Variants in OR7E24 observed in about 807,000 individuals in gnomAD.
OR7E24 encodes the protein olfactory receptor family 7 subfamily E member 24, also known as olfactory receptor 7E24.
For missense variants in OR7E24, 385 were observed against 410.3 expected (o/e 0.94, Z 0.53); for synonymous variants, 130 against 157.5 (o/e 0.83, Z 1.31).
chr19:9,222,407 T>C, the OR7E24 span, among the ~76,000 whole-genome samples: 1 of 152,214 alleles, frequency 6.6e-6, no homozygotes, highest in Non-Finnish European at 1.5e-5. Context: ...GACATTTTAA[T>C]ATAGCAATTC....
At chr19:9,227,514 C>A in the OR7E24 span, among the ~76,000 whole-genome samples, 1 of 152,104 alleles carries the variant, frequency 6.6e-6, no homozygotes, top group Non-Finnish European at 1.5e-5. Flanking sequence ...AGACTTGAGC[C>A]GCCATGCCTG....
the OR7E24 span, among the ~76,000 whole-genome samples, chr19:9,238,534 T>G: frequency 6.6e-6 from 1 of 152,222 alleles, no homozygotes; most frequent in Admixed American, 6.5e-5. Flanking sequence ...TGCCAAATAT[T>G]CCCCACCCAT....
chr19:9,222,628 A>G, the OR7E24 span, among the ~76,000 whole-genome samples: 5 of 152,090 alleles, frequency 3.3e-5, no homozygotes, highest in Non-Finnish European at 7.4e-5. Context: ...TAGAAACACT[A>G]TTGATTTTTA....
chr19:9,213,696 C>T, the OR7E24 span: 1 of 556,106 alleles, frequency 1.8e-6, no homozygotes, highest in South Asian at 2.1e-5. Context: ...CAAGATTGCA[C>T]CACTGCACTC....
the OR7E24 span, chr19:9,214,406 C>G: frequency 1.2e-6 from 2 of 1,614,084 alleles, no homozygotes; most frequent in East Asian, 4.5e-5. Context: ...ATGCCAGAAC[C>G]AGGAGGCCAC....
upstream of OR7E24, among the ~76,000 whole-genome samples, chr19:9,245,763 A>G (rs993366832): frequency 1.3e-5 from 2 of 152,324 alleles, no homozygotes; most frequent in African/African-American, 4.8e-5. Flanking sequence ...TACATTAGTT[A>G]TTGAAAAACA....
the OR7E24 span, among the ~76,000 whole-genome samples, chr19:9,236,727 T>C: frequency 2.0e-5 from 3 of 152,030 alleles, no homozygotes; most frequent in African/African-American, 4.8e-5. Context: ...TCCTGAGATT[T>C]CTAACTTGAC....
chr19:9,217,914 G>A, the OR7E24 span, among the ~76,000 whole-genome samples: 5 of 152,168 alleles, frequency 3.3e-5, no homozygotes, highest in African/African-American at 7.2e-5. Context: ...ATTCGAGATT[G>A]TCCCATGGGT....
the OR7E24 span, among the ~76,000 whole-genome samples, chr19:9,226,954 G>T: frequency 4.6e-4 from 70 of 152,108 alleles, no homozygotes; most frequent in Non-Finnish European, 8.4e-4. Flanking sequence ...AGGTAAACTG[G>T]GTCATAGGGG....
chr19:9,234,878 T>G, the OR7E24 span, among the ~76,000 whole-genome samples: 1 of 152,208 alleles, frequency 6.6e-6, no homozygotes, highest in African/African-American at 2.4e-5. Flanking sequence ...TGCAGTTATG[T>G]GGAAGGATCC....
At chr19:9,238,443 T>G in the OR7E24 span, among the ~76,000 whole-genome samples, 14 of 152,234 alleles carry the variant, frequency 9.2e-5, no homozygotes, top group Non-Finnish European at 1.8e-4. Flanking sequence ...CACTTTGTAA[T>G]TGTGCAGTTT....
the OR7E24 span, among the ~76,000 whole-genome samples, chr19:9,227,996 G>T: frequency 1.3e-5 from 2 of 151,112 alleles, no homozygotes; most frequent in South Asian, 2.1e-4. Flanking sequence ...CTCGTGATCC[G>T]CCCGCCTCGG....
chr19:9,246,578 T>C (rs539419287), upstream of OR7E24, among the ~76,000 whole-genome samples: 12 of 150,914 alleles, frequency 8.0e-5, no homozygotes, highest in South Asian at 2.5e-3. Flanking sequence ...TTATTCACAA[T>C]AGCTAAATAT....
At chr19:9,235,097 G>A in the OR7E24 span, 1 of 688,934 alleles carries the variant, frequency 1.5e-6, no homozygotes, top group African/African-American at 1.8e-5. Context: ...ATTGAAGAGT[G>A]ATTGAATGTT....
rs1396046164 is a variant in OR7E24 at position 9,251,967 on chromosome 19, C to T, written c.924C>T (p.Tyr308=). 4 of 1,614,076 alleles carry T rather than the reference C, an allele frequency of 2.5e-6. No individual in the cohort carries two copies. The Admixed American group carries it at 5.0e-5, about 20-fold the overall frequency. The change falls in exon 1 of 1, where the codon TAC becomes TAT. Residue 308 remains tyrosine (Y), a synonymous_variant. Transcript: ENST00000456448. The stretch of plus-strand genomic sequence containing the variant: ...CCCCCATGCTGAACCCCTTCATCTA[C>T]AGCCTGAGGAACAAGGACATTCAAA... ...VVTPMLNPFI[Y]SLRNKDIQSA...
chr19:9,210,341 C>T, the OR7E24 span: 44,598 of 152,104 alleles, frequency 0.29, 12,463 homozygotes, highest in African/African-American at 0.74. Flanking sequence ...GCATGGTGGT[C>T]TGTACCTACA....
the OR7E24 span, among the ~76,000 whole-genome samples, chr19:9,240,775 G>C: frequency 6.6e-6 from 1 of 151,852 alleles, no homozygotes; most frequent in African/African-American, 2.4e-5. Flanking sequence ...TTTTCTAAGA[G>C]TTTTATGATT....
At chr19:9,238,785 G>A in the OR7E24 span, among the ~76,000 whole-genome samples, 3 of 152,280 alleles carry the variant, frequency 2.0e-5, no homozygotes, top group South Asian at 6.2e-4. Flanking sequence ...TTGTCAAGCC[G>A]TGCGTGGTTT....
the OR7E24 span, among the ~76,000 whole-genome samples, chr19:9,233,907 CT>C: frequency 3.6e-4 from 52 of 143,612 alleles, no homozygotes; most frequent in African/African-American, 4.4e-4. Context: ...ACATGTCTTT[CT>C]TTTTTTTTTT....
Sources: allele counts gnomAD v4.1 joint callset (sites outside exome capture counted in the v4.1 genomes callset), GRCh38; gene constraint gnomAD v4.1.1; transcripts MANE v1.5; gene names NCBI Gene and HGNC (gene_info 2026-07-23, HGNC 2026-07-21).